CALN1: variants seen among roughly 807,000 people sequenced by gnomAD.
CALN1 encodes calneuron 1.
In CALN1, 17 loss-of-function variants were observed where a neutral mutation model predicts 30.6. The observed-to-expected ratio is 0.56, with a 90% CI of 0.38 to 0.83. The LOEUF is 0.83. Among genes scored for constraint, CALN1 ranks in the 40% least tolerant of loss-of-function variants. The pLI is 0.00. For missense variants in CALN1, 291 were observed against 354.9 expected (o/e 0.82, Z 1.45); for synonymous variants, 156 against 131.4 (o/e 1.19, Z -1.28).
chr7:71,858,957 G>A (rs1023573044), intron 5 of CALN1, among the ~76,000 whole-genome samples: 4 of 152,188 alleles, frequency 2.6e-5, no homozygotes, highest in African/African-American at 9.7e-5. Flanking sequence ...ACTGAGACCT[G>A]TCTCGGATAT....
chr7:72,404,964 T>C (rs867711352), intron 1 of CALN1, among the ~76,000 whole-genome samples: 3 of 152,160 alleles, frequency 2.0e-5, no homozygotes, highest in Admixed American at 6.5e-5. Context: ...ATAAACCAAC[T>C]AGATGCTTTG....
At chr7:72,479,171 C>T in the CALN1 span, among the ~76,000 whole-genome samples, 3 of 152,130 alleles carry the variant, frequency 2.0e-5, no homozygotes, top group Admixed American at 6.6e-5. Flanking sequence ...TGAGCCACTG[C>T]GCCGGGACCA....
intron 4 of CALN1, among the ~76,000 whole-genome samples, chr7:72,035,251 C>G (rs1425904812): frequency 3.3e-5 from 5 of 152,014 alleles, no homozygotes; most frequent in African/African-American, 1.2e-4. Context: ...AACTGAAACC[C>G]CCACCCATGA....
intron 4 of CALN1, among the ~76,000 whole-genome samples, chr7:72,052,558 G>A (rs1210427247): frequency 6.6e-6 from 1 of 152,172 alleles, no homozygotes; most frequent in African/African-American, 2.4e-5. Flanking sequence ...CCTAAAGAGA[G>A]GGGGCTTCCT....
intron 5 of CALN1, among the ~76,000 whole-genome samples, chr7:71,906,709 A>G (rs1398252110): frequency 1.3e-5 from 2 of 152,164 alleles, no homozygotes; most frequent in African/African-American, 2.4e-5. Context: ...GCAAACTTCA[A>G]AATAATGCAA....
rs570402174 is a variant in CALN1 at position 72,150,856 on chromosome 7, C to G, written c.245-44562G>C. Among the ~76,000 whole-genome samples the G allele has an allele frequency of 3.6e-5, 5 of 139,976 alleles. No individual in the cohort carries two copies. The East Asian group carries it at 9.7e-4, about 27-fold the overall frequency. The allele number at this position is 139,976 out of a possible 152,430, so 91.8% of individuals were successfully genotyped here. ...CCAGCATAGAGTAGATGCTCAATAA[C>G]TATTTGCTGTGATGATATGATGATG... On this transcript the variant is annotated intron_variant, in intron 3 of 6. Coordinates refer to ENST00000395275, the MANE Select transcript of CALN1 (RefSeq NM_031468.4).
At chr7:72,137,562 C>CA (rs775692337) in intron 3 of CALN1, among the ~76,000 whole-genome samples, 13 of 151,844 alleles carry the variant, frequency 8.6e-5, no homozygotes, top group Non-Finnish European at 1.3e-4. Context: ...CAAAACAAAA[C>CA]AAAAAAACAC....
intron 4 of CALN1, among the ~76,000 whole-genome samples, chr7:72,054,352 G>T (rs1803040349): frequency 6.7e-6 from 1 of 150,004 alleles, no homozygotes; most frequent in African/African-American, 2.4e-5. Flanking sequence ...TTTTTCTAAT[G>T]GTCAGTGATA....
chr7:72,316,604 T>C (rs941162665), intron 2 of CALN1, among the ~76,000 whole-genome samples: 6 of 152,134 alleles, frequency 3.9e-5, no homozygotes, highest in African/African-American at 1.4e-4. Flanking sequence ...TGCTTATCTT[T>C]AAAAGTTTAA....
chr7:72,106,194 G>A lies in CALN1; in HGVS notation c.345C>T (p.Ser115=), dbSNP rs139754746. The A allele has an allele frequency of 4.2e-5, 67 of 1,614,024 alleles. No individual in the cohort carries two copies. Among genetic ancestry groups the A allele is most frequent in the Admixed American group, 6.7e-5 (4 of 60,006 alleles). The stretch of plus-strand genomic sequence containing the variant: ...GCATGATGATGGCCAGCTCCACCTC[G>A]CTTGGCATGTACCCCAAAGAGCGCA... ...MAMRSLGYMP[S]EVELAIIMQR... Residue 115 remains serine (S), a synonymous_variant, in exon 4 of 7, where the codon AGC becomes AGT. Coordinates refer to ENST00000395275, the MANE Select transcript of CALN1 (RefSeq NM_031468.4).
intron 3 of CALN1, among the ~76,000 whole-genome samples, chr7:72,179,599 CAT>C (rs75309902): frequency 2.0e-5 from 3 of 151,970 alleles, no homozygotes; most frequent in African/African-American, 4.8e-5. Flanking sequence ...CATGTGTGTA[CAT>C]ATATATGTGT....
intron 6 of CALN1, among the ~76,000 whole-genome samples, chr7:71,791,748 G>A (rs6957227): frequency 0.076 from 11,588 of 152,182 alleles, 1,434 homozygotes; most frequent in African/African-American, 0.26. Flanking sequence ...GGTGGCTCAC[G>A]CCTGTAATCT....
At chr7:71,814,992 C>T (rs1179674192) in intron 5 of CALN1, among the ~76,000 whole-genome samples, 1 of 152,072 alleles carries the variant, frequency 6.6e-6, no homozygotes, top group East Asian at 1.9e-4. Context: ...CGCCACCACG[C>T]CCAGCTGATT....
intron 2 of CALN1, among the ~76,000 whole-genome samples, chr7:72,304,152 AT>A (rs1799490525): frequency 6.6e-6 from 1 of 152,272 alleles, no homozygotes; most frequent in South Asian, 2.1e-4. Flanking sequence ...GTCCAAAGGT[AT>A]GGTTTCAAGT....
At chr7:72,062,523 A>AG (rs1168912414) in intron 4 of CALN1, among the ~76,000 whole-genome samples, 3 of 148,102 alleles carry the variant, frequency 2.0e-5, no homozygotes, top group South Asian at 2.1e-4. Context: ...AAAAAAAAAA[A>AG]AAAAAAAGAA....
intron 3 of CALN1, among the ~76,000 whole-genome samples, chr7:72,274,674 G>C (rs569809964): frequency 6.6e-6 from 1 of 152,058 alleles, no homozygotes; most frequent in African/African-American, 2.4e-5. Context: ...CTGGATAGAC[G>C]TAAGCTCCTT....
intron 4 of CALN1, among the ~76,000 whole-genome samples, chr7:72,103,813 G>A (rs1018468108): frequency 6.6e-6 from 1 of 152,042 alleles, no homozygotes; most frequent in Non-Finnish European, 1.5e-5. Flanking sequence ...CTGGACAATG[G>A]GAACGTCCAG....
chr7:72,321,570 C>A (rs1800883783), intron 2 of CALN1, among the ~76,000 whole-genome samples: 1 of 152,218 alleles, frequency 6.6e-6, no homozygotes, highest in African/African-American at 2.4e-5. Context: ...CACCTGGAAA[C>A]AAGCTGTTGA....
chr7:72,489,548 G>A, the CALN1 span, among the ~76,000 whole-genome samples: 2 of 95,528 alleles, frequency 2.1e-5, no homozygotes, highest in East Asian at 3.1e-4. Flanking sequence ...AGCTGGAACC[G>A]CAGAACTCAT....
Sources: allele counts gnomAD v4.1 joint callset (sites outside exome capture counted in the v4.1 genomes callset), GRCh38; gene constraint gnomAD v4.1.1; transcripts MANE v1.5; gene names NCBI Gene and HGNC (gene_info 2026-07-23, HGNC 2026-07-21).